Variants in WNT10A observed in about 807,000 individuals in gnomAD.
The protein encoded by WNT10A is Wnt family member 10A.
In WNT10A, 37 loss-of-function variants were observed where a neutral mutation model predicts 36.1. The ratio of observed to expected loss-of-function variants is 1.02; its 90% CI spans 0.79 to 1.35. The LOEUF (loss-of-function observed/expected upper bound fraction) is 1.35, where lower values mean the gene tolerates loss of function less well. WNT10A is among the 40% of genes most tolerant of loss of function. The pLI, the probability that WNT10A is intolerant of heterozygous loss-of-function variation, is 0.00. For missense variants in WNT10A, 613 were observed against 601.4 expected (o/e 1.02, Z -0.20); for synonymous variants, 255 against 254.1 (o/e 1.00, Z -0.03).
chr2:218,880,924 C>T lies in WNT10A; in HGVS notation c.-72C>T. ...GCCCCGACCCCCCGCCGATCATGCG[C>T]CGGCGCCCCTGGCTCTCCAGTCCCA... is the stretch of plus-strand genomic sequence containing the variant. On this transcript the variant is annotated 5_prime_UTR_variant, in exon 1 of 4. Transcript: ENST00000258411. The surrounding 1 kb of genome is among the most constrained non-coding windows in gnomAD (Gnocchi z 7.7). 1 of 1,472,018 alleles carries T rather than the reference C, an allele frequency of 6.8e-7. No individual in the cohort carries two copies. Among genetic ancestry groups the T allele is most frequent in the Non-Finnish European group, 9.0e-7 (1 of 1,115,756 alleles). The allele number at this position is 1,472,018 out of a possible 1,614,324, so 91.2% of individuals were successfully genotyped here. A position where few individuals can be genotyped will look rare whatever the true frequency, so the allele number is the denominator to read the frequency against.
intron 2 of WNT10A, 73 bp from the exon 3 acceptor site, chr2:218,889,911 T>A (rs1944624806): frequency 6.3e-7 from 1 of 1,594,488 alleles, no homozygotes; most frequent in Non-Finnish European, 8.6e-7. Flanking sequence ...CTTGGAATGA[T>A]GAGAAAGGTG....
chr2:218,883,643 G>A (rs1036849312), intron 2 of WNT10A, among the ~76,000 whole-genome samples: 18 of 150,614 alleles, frequency 1.2e-4, no homozygotes, highest in African/African-American at 2.7e-4. Flanking sequence ...GCATGCAGCC[G>A]CGAACTAATC....
In WNT10A at chr2:218,893,411, A is replaced by G; in HGVS notation, c.*140A>G. ...CCACATGATCTTATAGGAACCCCTCAGCTCTGAGGTCTGTGATCGCCGGAC... is the reference window on the plus strand; with the variant it reads ...CCACATGATCTTATAGGAACCCCTCGGCTCTGAGGTCTGTGATCGCCGGAC... On this transcript the variant is annotated 3_prime_UTR_variant, in exon 4 of 4. Transcript: ENST00000258411. This position sits in a 1 kb window ranked among gnomAD's most constrained non-coding sequence, Gnocchi z 6.3. The G allele has an allele frequency of 8.0e-7, 1 of 1,243,298 alleles. No individual in the cohort carries two copies. Among genetic ancestry groups the G allele is most frequent in the Non-Finnish European group, 1.1e-6 (1 of 924,098 alleles). 77.0% of individuals were successfully genotyped at this position (1,243,298 alleles called of 1,614,324 possible).
At position 218,893,011 on chromosome 2, in the gene WNT10A, A is replaced by G. The variant is rs1944674539; in HGVS notation, c.994A>G (p.Ser332Gly). The G allele has an allele frequency of 6.3e-7, 1 of 1,579,488 alleles. No homozygotes were observed. Among genetic ancestry groups the G allele is most frequent in the Non-Finnish European group, 8.5e-7 (1 of 1,172,254 alleles). Reference sequence around the variant, plus strand: ...CGCTCCCGGGCCGCGCCGACGGGCCAGCCCCGCCGACCTGGTCTACTTCGA... The same window carrying G: ...CGCTCCCGGGCCGCGCCGACGGGCCGGCCCCGCCGACCTGGTCTACTTCGA... The part of the protein sequence containing the change: ...PGAPGPRRRA[S>G]PADLVYFEKS... Residue 332 changes from serine to glycine, a missense_variant, in exon 4 of 4, where the codon AGC becomes GGC. Physicochemically the swap from Ser to Gly is moderately conservative, Grantham distance 56. Coordinates refer to ENST00000258411, the MANE Select transcript of WNT10A (RefSeq NM_025216.3). This position sits in a 1 kb window ranked among gnomAD's most constrained non-coding sequence, Gnocchi z 6.3.
Position 218,890,119 on chromosome 2 carries a change from G to T in WNT10A, c.512G>T (p.Arg171Leu), listed in dbSNP as rs199737793. Residue 171 changes from arginine to leucine, a missense_variant, in exon 3 of 4, where the codon CGT (arginine) becomes CTT (leucine). Transcript: ENST00000258411. ...ASRRGDEEAF[R>L]RKLHRLQLDA... ...CGGCGAGGGGACGAGGAGGCCTTCC[G>T]TAGGAAGCTGCACCGCTTACAACTG... 6 of 1,614,172 alleles carry T rather than the reference G, an allele frequency of 3.7e-6. No individual in the cohort carries two copies. The highest frequency in any genetic ancestry group is 5.1e-6 in the Non-Finnish European group (6 of 1,180,034).
intron 2 of WNT10A, among the ~76,000 whole-genome samples, chr2:218,886,621 GC>G (rs1453430608): frequency 6.8e-6 from 1 of 146,588 alleles, no homozygotes; most frequent in African/African-American, 2.5e-5. Flanking sequence ...TTAACGAGCC[GC>G]CCCCCACCCA....
intron 3 of WNT10A, among the ~76,000 whole-genome samples, chr2:218,891,052 G>A (rs1477746912): frequency 2.0e-5 from 3 of 152,206 alleles, no homozygotes; most frequent in Non-Finnish European, 4.4e-5. Context: ...ACTGTCTTGA[G>A]CACTTTCCTA....
At chr2:218,879,398 A>T (rs539929972), upstream of WNT10A, among the ~76,000 whole-genome samples, 1 of 152,342 alleles carries the variant, frequency 6.6e-6, no homozygotes, top group East Asian at 1.9e-4. Context: ...ACAGAGGAGG[A>T]TGCCGAGGGC....
chr2:218,875,328 A>G, the WNT10A span, among the ~76,000 whole-genome samples: 1 of 150,982 alleles, frequency 6.6e-6, no homozygotes, highest in Middle Eastern at 3.4e-3. Flanking sequence ...AGCTGGGACT[A>G]CAGGCGCCCA....
chr2:218,889,126 T>G (rs1944615584), intron 2 of WNT10A, among the ~76,000 whole-genome samples: 1 of 152,218 alleles, frequency 6.6e-6, no homozygotes, highest in Non-Finnish European at 1.5e-5. Flanking sequence ...TTCTTATGCC[T>G]TTGCATCCTC....
chr2:218,879,238 C>T (rs1161284261), upstream of WNT10A, among the ~76,000 whole-genome samples: 1 of 152,222 alleles, frequency 6.6e-6, no homozygotes, highest in Non-Finnish European at 1.5e-5. Context: ...GAGGGCCCCA[C>T]CCCCTCCTTC....
At chr2:218,880,829 C>T (rs1944502741), upstream of WNT10A, 3 of 706,242 alleles carry the variant, frequency 4.2e-6, no homozygotes, top group Non-Finnish European at 6.5e-6. This position sits in a 1 kb window ranked among gnomAD's most constrained non-coding sequence, Gnocchi z 7.7. Context: ...GGTGCTGCCC[C>T]ATGGAGCGGG....
At chr2:218,890,998 G>A (rs997599866) in intron 3 of WNT10A, among the ~76,000 whole-genome samples, 1 of 152,234 alleles carries the variant, frequency 6.6e-6, no homozygotes, top group Non-Finnish European at 1.5e-5. Context: ...AGAAAGGATA[G>A]TGGTAATAGC....
At chr2:218,888,769 A>G (rs1000062194) in intron 2 of WNT10A, among the ~76,000 whole-genome samples, 1 of 152,196 alleles carries the variant, frequency 6.6e-6, no homozygotes, top group Non-Finnish European at 1.5e-5. Context: ...CCAGCAGGCT[A>G]TCTTGGGGCA....
Position 218,890,322 on chromosome 2 carries a change from C to A in WNT10A, c.715C>A (p.His239Asn), listed in dbSNP as rs1416436905. The A allele has an allele frequency of 1.2e-5, 19 of 1,601,930 alleles. No individual in the cohort carries two copies. The highest frequency in any genetic ancestry group is 1.6e-5 in the Non-Finnish European group (19 of 1,179,936). Residue 239 changes from histidine to asparagine, a missense_variant, in exon 3 of 4, where the codon CAC (histidine) becomes AAC (asparagine). By Grantham distance (68) the His-to-Asn change is moderately conservative. Transcript: ENST00000258411. Reference sequence around the variant, plus strand: ...CTCCCGGGAGCCTCACAGAGACATCCACGCGAGAATGAGGCTTCACAACAA... The same window carrying A: ...CTCCCGGGAGCCTCACAGAGACATCAACGCGAGAATGAGGCTTCACAACAA... ...LDSREPHRDI[H>N]ARMRLHNNRV...
Position 218,893,538 on chromosome 2 carries a change from G to T in WNT10A, c.*267G>T, listed in dbSNP as rs944308245. ...GCCCAGACAGTTCAGTTGGGCTGGG[G>T]GTTGCTCCACACCCTAAAACAAGCC... On this transcript the variant is annotated 3_prime_UTR_variant, in exon 4 of 4. Coordinates refer to ENST00000258411, the MANE Select transcript of WNT10A (RefSeq NM_025216.3). This position sits in a 1 kb window ranked among gnomAD's most constrained non-coding sequence, Gnocchi z 6.3. 2.3e-6 allele frequency: 1 copy of T among 426,616 alleles called. No individual in the cohort carries two copies. The highest frequency in any genetic ancestry group is 4.1e-6 in the Non-Finnish European group (1 of 246,244). The allele number at this position is 426,616 out of a possible 1,614,324, so 26.4% of individuals were successfully genotyped here.
intron 2 of WNT10A, among the ~76,000 whole-genome samples, chr2:218,885,229 G>T (rs1202181347): frequency 6.6e-6 from 1 of 152,220 alleles, no homozygotes; most frequent in African/African-American, 2.4e-5. Flanking sequence ...AGAAAAAGCT[G>T]TGGGAGGGCA....
Position 218,881,109 on chromosome 2 carries a change from G to A in WNT10A, c.113+1G>A. On this transcript the variant is annotated splice_donor_variant, in intron 1 of 3. Transcript: ENST00000258411. LOFTEE classifies it high-confidence loss of function. The stretch of plus-strand genomic sequence containing the variant: ...TGCTGCTGGCTGCTGCCATGCCCAG[G>A]TGAGCCCTCACCTCATGCTCCGCCC... 1.9e-6 allele frequency: 3 copies of A among 1,591,958 alleles called. No individual in the cohort carries two copies. The highest frequency in any genetic ancestry group is 2.6e-6 in the Non-Finnish European group (3 of 1,168,844).
intron 1 of WNT10A, 131 bp downstream of exon 1, chr2:218,881,239 C>T (rs1171652688): frequency 2.2e-6 from 3 of 1,364,228 alleles, no homozygotes; most frequent in Admixed American, 2.0e-5. Context: ...GTGCTGGTGC[C>T]CAACCAAAGG....
Sources: gnomAD v4.1 joint callset for allele counts (sites outside exome capture counted in the v4.1 genomes callset) on GRCh38, gnomAD v4.1.1 for gene constraint, Gnocchi (gnomAD v3.1) non-coding constraint, MANE v1.5 for transcripts, NCBI Gene and HGNC (gene_info 2026-07-23, HGNC 2026-07-21) for gene names.